ADAM28: variants seen among roughly 807,000 people sequenced by gnomAD.
ADAM28 encodes disintegrin and metalloproteinase domain-containing protein 28.
Under a neutral mutation model 101.2 loss-of-function variants are expected in ADAM28, and 105 were observed. The ratio of observed to expected loss-of-function variants is 1.04; its 90% CI spans 0.89 to 1.22. The LOEUF is 1.22. Among genes scored for constraint, ADAM28 ranks in the 50% most tolerant of loss-of-function variants. ADAM28 has a pLI of 0.00. For missense variants in ADAM28, 1,028 were observed against 945.4 expected, an observed-to-expected ratio of 1.09 and a Z score of -1.15; for synonymous variants, 322 against 310.6, an observed-to-expected ratio of 1.04 and a Z score of -0.39.
chr8:24,335,202 G>A (rs1813859054), intron 13 of ADAM28, among the ~76,000 whole-genome samples: 1 of 148,980 alleles, frequency 6.7e-6, no homozygotes, highest in Non-Finnish European at 1.5e-5. Context: ...TCTACATTAT[G>A]TTTCTTTGGT....
At chr8:24,350,581 G>A (rs1436460430) in intron 19 of ADAM28, among the ~76,000 whole-genome samples, 1 of 152,194 alleles carries the variant, frequency 6.6e-6, no homozygotes, top group East Asian at 1.9e-4. Flanking sequence ...TAAGTGCCGG[G>A]ATTACAGGTG....
chr8:24,323,241 C>T (rs774456678), intron 8 of ADAM28, among the ~76,000 whole-genome samples: 83 of 151,852 alleles, frequency 5.5e-4, no homozygotes, highest in Non-Finnish European at 8.4e-4. Context: ...ATGAGGGCTC[C>T]ACTCTCGTGA....
rs757839819 is a variant in ADAM28 at position 24,347,212 on chromosome 8, A to G, written c.1991-2652A>G. The stretch of plus-strand genomic sequence containing the variant: ...CCCTTTACTCTATTAGTACTGTCAA[A>G]TAAGTCAATTGGTTTGTGAACATTT... On this transcript the variant is annotated intron_variant, in intron 18 of 22. Coordinates refer to ENST00000265769, the MANE Select transcript of ADAM28 (RefSeq NM_014265.6). Among the ~76,000 whole-genome samples the G allele has an allele frequency of 4.6e-5, 7 of 152,102 alleles. No homozygotes were observed. The South Asian group carries it at 6.2e-4, about 13-fold the overall frequency.
Position 24,313,553 on chromosome 8 carries a change from C to T in ADAM28, c.549C>T (p.Asn183=). Residue 183 remains asparagine (N), a synonymous_variant, in exon 6 of 23, where the codon AAC becomes AAT. Transcript: ENST00000265769. The part of the protein sequence containing the change: ...GVLWAHDLQQ[N]IALPATKLVK... The stretch of plus-strand genomic sequence containing the variant: ...TGTGGGCCCACGATTTGCAGCAGAA[C>T]ATTGCCCTACCTGCCACCAAACTAG... 1 of 1,613,674 alleles carries T rather than the reference C, an allele frequency of 6.2e-7. No homozygotes were observed. Among genetic ancestry groups the T allele is most frequent in the Non-Finnish European group, 8.5e-7 (1 of 1,179,756 alleles).
chr8:24,352,924 G>GTAAC (rs368533987), intron 21 of ADAM28, among the ~76,000 whole-genome samples: 5,768 of 152,136 alleles, frequency 0.038, 144 homozygotes, highest in East Asian at 0.07. Context: ...TTCTTTGCTT[G>GTAAC]TAAGTATCAG....
intron 18 of ADAM28, among the ~76,000 whole-genome samples, chr8:24,348,565 C>T (rs1215588263): frequency 6.6e-6 from 1 of 152,098 alleles, no homozygotes; most frequent in Non-Finnish European, 1.5e-5. Context: ...GTAATTTTAT[C>T]TAACATTTAA....
intron 20 of ADAM28, 189 bp downstream of exon 20, chr8:24,351,499 C>G (rs1375193721): frequency 3.0e-6 from 2 of 665,696 alleles, no homozygotes; most frequent in Non-Finnish European, 5.5e-6. Context: ...TGCCGGGGTT[C>G]ATGAAATGCA....
intron 8 of ADAM28, among the ~76,000 whole-genome samples, chr8:24,321,688 C>T (rs1585609872): frequency 6.6e-6 from 1 of 151,914 alleles, no homozygotes; most frequent in South Asian, 2.1e-4. Flanking sequence ...ATACCCAGAA[C>T]AACGCTAAAT....
intron 12 of ADAM28, 130 bp downstream of exon 12, chr8:24,331,457 G>C (rs1217789453): frequency 4.5e-6 from 4 of 896,030 alleles, no homozygotes; most frequent in Non-Finnish European, 6.4e-6. Flanking sequence ...CCCATTTGTA[G>C]GTATTTTCCA....
intron 2 of ADAM28, among the ~76,000 whole-genome samples, chr8:24,304,006 C>G (rs185282014): frequency 6.6e-6 from 1 of 151,758 alleles, no homozygotes; most frequent in East Asian, 1.9e-4. Context: ...TCACAGTAAA[C>G]AATGCTTCCA....
At chr8:24,310,379 A>G (rs1810291380) in intron 4 of ADAM28, 138 bp downstream of exon 4, 1 of 731,950 alleles carries the variant, frequency 1.4e-6, no homozygotes, top group South Asian at 2.3e-5. Context: ...ATTACTTAAA[A>G]TATAAAAAAA....
Position 24,294,231 on chromosome 8 carries a change from G to A in ADAM28, c.46+36G>A, listed in dbSNP as rs190433518. 2.0e-4 allele frequency: 318 copies of A among 1,608,306 alleles called. 1 individual carries two copies. The African/African-American group carries it at 3.7e-3, about 19-fold the overall frequency. Reference sequence around the variant, plus strand: ...AGCTCTTTTTCAGGTTCTATTGAATGCATTAGCGAACTTTTCATAGTCTCC... The same window carrying A: ...AGCTCTTTTTCAGGTTCTATTGAATACATTAGCGAACTTTTCATAGTCTCC... On this transcript the variant is annotated intron_variant, in intron 1 of 22. Transcript: ENST00000265769.
intron 2 of ADAM28, among the ~76,000 whole-genome samples, chr8:24,304,937 T>A (rs1369445064): frequency 1.4e-5 from 2 of 139,444 alleles, no homozygotes; most frequent in Admixed American, 7.1e-5. Flanking sequence ...AAAAATAGAT[T>A]ATGCTATGGT....
At chr8:24,309,617 T>C (rs1197699638) in intron 2 of ADAM28, among the ~76,000 whole-genome samples, 1 of 152,144 alleles carries the variant, frequency 6.6e-6, no homozygotes, top group Admixed American at 6.6e-5. Context: ...AACCAAGCAG[T>C]ATCTTGCAAA....
In ADAM28 at chr8:24,335,600, G is replaced by A. The variant is rs1563311694; in HGVS notation, c.1526G>A (p.Cys509Tyr). Residue 509 changes from cysteine (C) to tyrosine (Y), a missense_variant, in exon 14 of 23, where the codon TGC becomes TAC. Coordinates refer to ENST00000265769, the MANE Select transcript of ADAM28 (RefSeq NM_014265.6). ...HGKGHCLMGT[C>Y]PTLQEQCTEL... is the part of the protein sequence containing the mutation. ...AAGGGCCACTGCTTGATGGGGACAT[G>A]CCCCACACTGCAGGAGCAGTGCACA... The A allele has an allele frequency of 1.2e-6, 2 of 1,613,284 alleles. No homozygotes were observed. Among genetic ancestry groups the A allele is most frequent in the Non-Finnish European group, 1.7e-6 (2 of 1,179,608 alleles).
chr8:24,300,204 ATG>A, intron 2 of ADAM28, 127 bp downstream of exon 2: 1 of 652,090 alleles, frequency 1.5e-6, no homozygotes, highest in Non-Finnish European at 2.4e-6. Context: ...GTGTGTGTGT[ATG>A]TGTGTGCCTG....
At position 24,319,495 on chromosome 8, in the gene ADAM28, CAT is replaced by C. The variant is rs376300951; in HGVS notation, c.577-740_577-739del. 3.4e-3 allele frequency among the ~76,000 whole-genome samples: 522 copies of C among 152,066 alleles called. 3 individuals are homozygous for C. The highest frequency in any genetic ancestry group is 0.012 in the African/African-American group (486 of 41,532). ...TCCCATGGAGGGTAGGAAGTAAGTA[CAT>C]GTCTCATCAGATAATACCTAAAAAT... On this transcript the variant is annotated intron_variant, in intron 6 of 22. Coordinates refer to ENST00000265769, the MANE Select transcript of ADAM28 (RefSeq NM_014265.6).
rs755610415 is a variant in ADAM28 at position 24,341,660 on chromosome 8, G to A, written c.1733G>A (p.Arg578Gln). ...GGSDNLPWKG[R>Q]IVTFLTCKTF... ...TCGGATAATTTGCCCTGGAAAGGAC[G>A]GATAGTGACTTTCCTGACATGTAAA... Residue 578 changes from arginine to glutamine, a missense_variant, in exon 16 of 23, where the codon CGG becomes CAG. Transcript: ENST00000265769. The A allele has an allele frequency of 1.1e-4, 184 of 1,613,754 alleles. No individual in the cohort carries two copies. Among genetic ancestry groups the A allele is most frequent in the Non-Finnish European group, 1.5e-4 (180 of 1,179,834 alleles).
At position 24,294,112 on chromosome 8, in the gene ADAM28, C is replaced by T. The variant is rs375722894; in HGVS notation, c.-38C>T. ...ACAGACCCAGCAGCACCCACCTGAG[C>T]GAGAAGAGCAGACACCGTGCTCCTG... is the stretch of plus-strand genomic sequence containing the variant. On this transcript the variant is annotated 5_prime_UTR_variant, in exon 1 of 23. Coordinates refer to ENST00000265769, the MANE Select transcript of ADAM28 (RefSeq NM_014265.6). 1.5e-4 allele frequency: 243 copies of T among 1,613,236 alleles called. No individual in the cohort carries two copies. The highest frequency in any genetic ancestry group is 6.4e-4 in the African/African-American group (48 of 75,010).
Sources: gnomAD v4.1 joint callset for allele counts (sites outside exome capture counted in the v4.1 genomes callset) on GRCh38, gnomAD v4.1.1 for gene constraint, MANE v1.5 for transcripts, NCBI Gene and HGNC (gene_info 2026-07-23, HGNC 2026-07-21) for gene names.